CSMD1: variants seen among roughly 807,000 people sequenced by gnomAD.
CSMD1 encodes CUB and sushi domain-containing protein 1.
Under a neutral mutation model 417.5 loss-of-function variants are expected in CSMD1, and 213 were observed. That is an observed-to-expected ratio of 0.51 (90% CI 0.46 to 0.57). CSMD1 has a LOEUF of 0.57. Among genes scored for constraint, CSMD1 ranks in the 20% least tolerant of loss-of-function variants. The probability of loss-of-function intolerance (pLI) is 0.00; values close to 1 mark genes in which losing one functional copy is unlikely to be tolerated. For synonymous variants in CSMD1, 2,862 were observed against 1,736.8 expected (o/e 1.65, Z -16.11); for missense variants, 6,923 against 4,529.7 (o/e 1.53, Z -15.17).
At chr8:4,643,103 C>G (rs559567044) in intron 1 of CSMD1, among the ~76,000 whole-genome samples, 59 of 152,242 alleles carry the variant, frequency 3.9e-4, no homozygotes, top group Non-Finnish European at 6.5e-4. Flanking sequence ...CAGGCAGAAG[C>G]CATATTATCA....
chr8:4,920,838 G>A (rs1272205717), intron 1 of CSMD1, among the ~76,000 whole-genome samples: 1 of 30,688 alleles, frequency 3.3e-5, no homozygotes, highest in Non-Finnish European at 1.1e-4. Context: ...AAGAAAAAGA[G>A]AACGAAAGAA....
intron 1 of CSMD1, among the ~76,000 whole-genome samples, chr8:4,737,618 T>A (rs11781201): frequency 0.071 from 10,804 of 152,254 alleles, 447 homozygotes; most frequent in Non-Finnish European, 0.098. Flanking sequence ...TAGCACTATA[T>A]TTTACACATT....
intron 5 of CSMD1, among the ~76,000 whole-genome samples, chr8:3,928,673 AT>A (rs111386273): frequency 4.0e-5 from 6 of 149,528 alleles, no homozygotes; most frequent in East Asian, 3.9e-4. Context: ...GAAGGTATAG[AT>A]TTTTTTTTAA....
chr8:3,946,476 C>G (rs1407982194), intron 5 of CSMD1, among the ~76,000 whole-genome samples: 1 of 152,170 alleles, frequency 6.6e-6, no homozygotes, highest in Non-Finnish European at 1.5e-5. Context: ...AGTCCTCCCA[C>G]TTTGTTCTTT....
At chr8:3,673,928 G>A (rs933636847) in intron 7 of CSMD1, among the ~76,000 whole-genome samples, 5 of 152,102 alleles carry the variant, frequency 3.3e-5, no homozygotes, top group Non-Finnish European at 5.9e-5. Flanking sequence ...GACGAGCCTG[G>A]GCAACATGGC....
intron 5 of CSMD1, among the ~76,000 whole-genome samples, chr8:3,817,933 G>A (rs1430118255): frequency 1.3e-5 from 2 of 152,044 alleles, no homozygotes; most frequent in Non-Finnish European, 2.9e-5. Flanking sequence ...ACAAAAACCT[G>A]GTATTAGCTA....
At chr8:3,689,037 T>C (rs1199286428) in intron 7 of CSMD1, among the ~76,000 whole-genome samples, 1 of 152,212 alleles carries the variant, frequency 6.6e-6, no homozygotes, top group East Asian at 1.9e-4. Flanking sequence ...TAAGCAGGAA[T>C]CTAAGGGTCA....
At chr8:3,187,821 G>T in intron 36 of CSMD1, 48 bp downstream of exon 36, 1 of 1,380,134 alleles carries the variant, frequency 7.2e-7, no homozygotes, top group Non-Finnish European at 1.0e-6. Flanking sequence ...TTTTCTTGGT[G>T]TTTGCAGATT....
chr8:4,111,945 GCA>G (rs1187906057), intron 3 of CSMD1, among the ~76,000 whole-genome samples: 2 of 151,808 alleles, frequency 1.3e-5, no homozygotes, highest in African/African-American at 2.4e-5. Context: ...TATGGCAAAA[GCA>G]CAGTCTCTGT....
chr8:3,882,811 G>T (rs1473793608), intron 5 of CSMD1, among the ~76,000 whole-genome samples: 1 of 152,154 alleles, frequency 6.6e-6, no homozygotes, highest in Non-Finnish European at 1.5e-5. Context: ...TTTACAGAAT[G>T]TGTCAAAATA....
At chr8:4,407,412 C>T (rs1261732437) in intron 3 of CSMD1, among the ~76,000 whole-genome samples, 1 of 152,122 alleles carries the variant, frequency 6.6e-6, no homozygotes, top group Non-Finnish European at 1.5e-5. Flanking sequence ...GTTTAGGTTG[C>T]TGCAAATTCA....
chr8:4,280,173 T>C (rs1418314011), intron 3 of CSMD1, among the ~76,000 whole-genome samples: 2 of 152,216 alleles, frequency 1.3e-5, no homozygotes, highest in African/African-American at 4.8e-5. Context: ...TAAAAGAAGA[T>C]TTTACCATGG....
At position 3,852,004 on chromosome 8, in the gene CSMD1, C is replaced by T. The variant is rs1247826426; in HGVS notation, c.819-97962G>A. 5.9e-5 allele frequency among the ~76,000 whole-genome samples: 9 copies of T among 152,048 alleles called. No individual in the cohort carries two copies. The South Asian group carries it at 6.2e-4, about 11-fold the overall frequency. ...TAAAACTGAGAGCATGGAGGGGCTG[C>T]AATCACCGGTGAGGACAAGTTCCCT... On this transcript the variant is annotated intron_variant, in intron 5 of 69. Coordinates refer to ENST00000635120, the MANE Select transcript of CSMD1 (RefSeq NM_033225.6).
chr8:4,586,438 A>C (rs1799704011), intron 2 of CSMD1, among the ~76,000 whole-genome samples: 1 of 152,224 alleles, frequency 6.6e-6, no homozygotes, highest in Non-Finnish European at 1.5e-5. Context: ...TGTTAAGCTC[A>C]TGTTTCAAAT....
intron 26 of CSMD1, among the ~76,000 whole-genome samples, chr8:3,264,518 C>A (rs1266136432): frequency 6.6e-6 from 1 of 152,174 alleles, no homozygotes; most frequent in African/African-American, 2.4e-5. Flanking sequence ...GAGAACTGCA[C>A]ACTGAATCAT....
At chr8:3,637,001 T>C (rs1797083541) in intron 7 of CSMD1, among the ~76,000 whole-genome samples, 1 of 152,108 alleles carries the variant, frequency 6.6e-6, no homozygotes, top group Non-Finnish European at 1.5e-5. Flanking sequence ...TCTCTGCTTG[T>C]TGCCCATCTG....
intron 3 of CSMD1, among the ~76,000 whole-genome samples, chr8:4,299,598 G>A (rs913560704): frequency 1.3e-5 from 2 of 152,164 alleles, no homozygotes; most frequent in African/African-American, 4.8e-5. Context: ...CCCCATATTG[G>A]CCAATATTTT....
intron 1 of CSMD1, among the ~76,000 whole-genome samples, chr8:4,952,609 A>T (rs1023099458): frequency 6.6e-6 from 1 of 152,098 alleles, no homozygotes; most frequent in African/African-American, 2.4e-5. Flanking sequence ...TTCACAATTC[A>T]CAATTAGAGC....
chr8:4,942,887 T>G (rs908982560), intron 1 of CSMD1, among the ~76,000 whole-genome samples: 2 of 152,184 alleles, frequency 1.3e-5, no homozygotes, highest in Non-Finnish European at 2.9e-5. Context: ...ATGAAAGCTT[T>G]TTGGAAAGAT....
Sources: gnomAD v4.1 joint callset for allele counts (sites outside exome capture counted in the v4.1 genomes callset) on GRCh38, gnomAD v4.1.1 for gene constraint, MANE v1.5 for transcripts, NCBI Gene and HGNC (gene_info 2026-07-23, HGNC 2026-07-21) for gene names.